SHISA9: variants seen among roughly 807,000 people sequenced by gnomAD.
SHISA9 encodes protein shisa-9.
Under a neutral mutation model 38.0 loss-of-function variants are expected in SHISA9, and 13 were observed. The observed-to-expected ratio is 0.34, with a 90% CI of 0.22 to 0.54. The LOEUF (loss-of-function observed/expected upper bound fraction) is 0.54, where lower values mean the gene tolerates loss of function less well. SHISA9 is among the 20% of genes least tolerant of loss of function. The probability of loss-of-function intolerance (pLI) is 0.91; values close to 1 mark genes in which losing one functional copy is unlikely to be tolerated. For synonymous variants in SHISA9, 275 were observed against 242.0 expected, an observed-to-expected ratio of 1.14 and a Z score of -1.27; for missense variants, 538 against 575.8, an observed-to-expected ratio of 0.93 and a Z score of 0.67.
chr16:13,113,483 G>A (rs534545563), intron 2 of SHISA9, among the ~76,000 whole-genome samples: 1 of 152,288 alleles, frequency 6.6e-6, no homozygotes, highest in South Asian at 2.1e-4. Context: ...AAGAATAGGA[G>A]AGGACCAGCT....
the SHISA9 span, among the ~76,000 whole-genome samples, chr16:13,446,029 G>A: frequency 3.3e-5 from 5 of 152,062 alleles, no homozygotes; most frequent in East Asian, 3.9e-4. Flanking sequence ...CGCAGCCTCC[G>A]ACTCCCTGGT....
At chr16:13,188,729 A>AG (rs1437829393) in intron 2 of SHISA9, among the ~76,000 whole-genome samples, 2 of 151,460 alleles carry the variant, frequency 1.3e-5, no homozygotes, top group African/African-American at 4.8e-5. Context: ...AAAAAAAAAA[A>AG]AAAAAAAAAG....
At chr16:13,061,496 G>A (rs531148892) in intron 2 of SHISA9, among the ~76,000 whole-genome samples, 34 of 152,286 alleles carry the variant, frequency 2.2e-4, no homozygotes, top group Non-Finnish European at 3.2e-4. Flanking sequence ...TTTATGCACT[G>A]TCCGGATTAA....
the SHISA9 span, among the ~76,000 whole-genome samples, chr16:13,340,435 A>C: frequency 6.6e-6 from 1 of 151,276 alleles, no homozygotes; most frequent in Non-Finnish European, 1.5e-5. Flanking sequence ...CTGTTTTGAA[A>C]ACTCCCCTTG....
chr16:13,213,503 C>T (rs1020176142), intron 4 of SHISA9, among the ~76,000 whole-genome samples: 3 of 152,036 alleles, frequency 2.0e-5, no homozygotes, highest in Admixed American at 6.6e-5. Flanking sequence ...AATTGTTGGA[C>T]AACGTGGTAG....
chr16:13,399,654 C>T, the SHISA9 span, among the ~76,000 whole-genome samples: 1 of 152,172 alleles, frequency 6.6e-6, no homozygotes, highest in African/African-American at 2.4e-5. Flanking sequence ...CAGGAAGCTC[C>T]TGCTTCTTCA....
chr16:13,013,015 T>C (rs925597764), intron 2 of SHISA9, among the ~76,000 whole-genome samples: 4 of 152,166 alleles, frequency 2.6e-5, no homozygotes, highest in Non-Finnish European at 5.9e-5. Context: ...GGGACCTGCC[T>C]CTCCTGCTGC....
At chr16:13,298,081 A>T in the SHISA9 span, among the ~76,000 whole-genome samples, 1 of 152,154 alleles carries the variant, frequency 6.6e-6, no homozygotes, top group South Asian at 2.1e-4. Flanking sequence ...TGAAACTCTT[A>T]TCTTCCATGG....
At chr16:13,069,473 G>GTATGTT (rs1367565011) in intron 2 of SHISA9, among the ~76,000 whole-genome samples, 1 of 151,904 alleles carries the variant, frequency 6.6e-6, no homozygotes, top group African/African-American at 2.4e-5. Context: ...ATGTGTATGT[G>GTATGTT]TATATGTGTA....
At chr16:13,265,412 C>T in the SHISA9 span, among the ~76,000 whole-genome samples, 1 of 116,784 alleles carries the variant, frequency 8.6e-6, no homozygotes, top group African/African-American at 3.4e-5. Context: ...TCTTTCTCTC[C>T]TCCCCCCTCC....
chr16:13,397,592 A>G, the SHISA9 span, among the ~76,000 whole-genome samples: 1 of 152,114 alleles, frequency 6.6e-6, no homozygotes, highest in African/African-American at 2.4e-5. Context: ...ACGCCACCAC[A>G]CCTGGCTAAT....
chr16:13,384,847 T>C, the SHISA9 span, among the ~76,000 whole-genome samples: 2 of 152,204 alleles, frequency 1.3e-5, no homozygotes, highest in South Asian at 4.1e-4. Context: ...ATTAAAAATG[T>C]CTTCTCTGTG....
intron 2 of SHISA9, among the ~76,000 whole-genome samples, chr16:13,127,247 G>C (rs191698091): frequency 7.2e-6 from 1 of 138,624 alleles, no homozygotes; most frequent in Non-Finnish European, 1.6e-5. Flanking sequence ...ATGAGTGAGG[G>C]AGAGAGAGGG....
At chr16:13,504,038 G>A in the SHISA9 span, among the ~76,000 whole-genome samples, 1 of 152,150 alleles carries the variant, frequency 6.6e-6, no homozygotes, top group South Asian at 2.1e-4. Context: ...AAAATCATCA[G>A]AGCAAATTTG....
At chr16:13,528,714 C>T in the SHISA9 span, among the ~76,000 whole-genome samples, 2 of 152,162 alleles carry the variant, frequency 1.3e-5, no homozygotes, top group Non-Finnish European at 2.9e-5. Context: ...GTTAATCTCC[C>T]CACGGTAACA....
intron 2 of SHISA9, among the ~76,000 whole-genome samples, chr16:13,088,951 C>G (rs1042297257): frequency 1.3e-5 from 2 of 152,136 alleles, no homozygotes; most frequent in African/African-American, 4.8e-5. Flanking sequence ...GTGGGTTTGT[C>G]TTAAATAGCT....
rs557164267 is a variant in SHISA9 at position 13,143,850 on chromosome 16, C to T, written c.692-59544C>T. On this transcript the variant is annotated intron_variant, in intron 2 of 4. Transcript: ENST00000558583. ...AAATCCACATTCAGTGACTTTACAT[C>T]GACTGCTTATAGTTGACCATGGTGG... is the stretch of plus-strand genomic sequence containing the variant. 5.3e-5 allele frequency among the ~76,000 whole-genome samples: 8 copies of T among 152,220 alleles called. No homozygotes were observed. In the South Asian group the frequency reaches 1.0e-3, roughly 20 times the overall value.
intron 2 of SHISA9, among the ~76,000 whole-genome samples, chr16:12,938,804 C>T (rs1008443504): frequency 6.6e-6 from 1 of 152,132 alleles, no homozygotes; most frequent in South Asian, 2.1e-4. Context: ...TGCCTTTTGA[C>T]TTTCCATGCC....
chr16:13,187,730 T>C (rs138714603), intron 2 of SHISA9, among the ~76,000 whole-genome samples: 2 of 152,270 alleles, frequency 1.3e-5, no homozygotes, highest in East Asian at 3.9e-4. Flanking sequence ...CTTTTTCTGA[T>C]AGATCCTTAA....
Sources: allele counts gnomAD v4.1 joint callset (sites outside exome capture counted in the v4.1 genomes callset), GRCh38; gene constraint gnomAD v4.1.1; transcripts MANE v1.5; gene names NCBI Gene and HGNC (gene_info 2026-07-23, HGNC 2026-07-21).